Variants in STIM1 observed in about 807,000 individuals in gnomAD.
STIM1 encodes stromal interaction molecule 1.
STIM1 carries 25 observed loss-of-function variants against 74.7 expected under a neutral mutation model. The observed-to-expected ratio is 0.33, with a 90% CI of 0.24 to 0.47. The LOEUF (loss-of-function observed/expected upper bound fraction) is 0.47, where lower values mean the gene tolerates loss of function less well. Ranked by LOEUF, STIM1 falls within the 20% of genes least tolerant of loss-of-function variation. STIM1 has a pLI of 1.00. For synonymous variants in STIM1, 328 were observed against 348.8 expected (o/e 0.94, Z 0.66); for missense variants, 728 against 920.8 (o/e 0.79, Z 2.71).
At chr11:3,958,949 C>G (rs2959063) in intron 1 of STIM1, among the ~76,000 whole-genome samples, 1 of 119,744 alleles carries the variant, frequency 8.4e-6, no homozygotes, top group Non-Finnish European at 1.8e-5. Flanking sequence ...AAAACTCTGT[C>G]TAAAAAAAAA....
At chr11:3,968,069 A>T (rs1441852622) in intron 2 of STIM1, among the ~76,000 whole-genome samples, 1 of 152,198 alleles carries the variant, frequency 6.6e-6, no homozygotes, top group African/African-American at 2.4e-5. Context: ...TGAGGGATAG[A>T]AGATAAGACA....
chr11:3,922,580 C>T (rs1490331301), intron 1 of STIM1: 1 of 153,640 alleles, frequency 6.5e-6, no homozygotes, highest in Non-Finnish European at 1.5e-5. Context: ...CTCCTGGGAT[C>T]CCATCTGGAA....
intron 2 of STIM1, among the ~76,000 whole-genome samples, chr11:3,975,200 G>A (rs1590615629): frequency 6.6e-6 from 1 of 152,180 alleles, no homozygotes; most frequent in Non-Finnish European, 1.5e-5. Flanking sequence ...TTTGCCTTTG[G>A]TTTTCTCAGG....
intron 5 of STIM1, among the ~76,000 whole-genome samples, chr11:4,065,740 T>A (rs2094361353): frequency 6.6e-6 from 1 of 152,178 alleles, no homozygotes; most frequent in Admixed American, 6.5e-5. Context: ...GCTGAGGCAT[T>A]TAAAGCATTT....
In STIM1 at chr11:3,905,633, T is replaced by C. The variant is rs74863027; in HGVS notation, c.139+49224T>C. On this transcript the variant is annotated intron_variant, in intron 1 of 12. Coordinates refer to ENST00000526596, the MANE Select transcript of STIM1 (RefSeq NM_001382567.1). ...GCTGCATGCCAGGCATTTTTCTAGA[T>C]ACATTAGACACATCTCTGATGCTCA... Among the ~76,000 whole-genome samples, 1,265 of 152,296 alleles carry C rather than the reference T, an allele frequency of 8.3e-3. 17 individuals carry two copies. The highest frequency in any genetic ancestry group is 0.029 in the African/African-American group (1,196 of 41,538).
At position 4,083,353 on chromosome 11, in the gene STIM1, C is replaced by T; in HGVS notation, c.1329C>T (p.Asn443=). The T allele has an allele frequency of 6.2e-7, 1 of 1,614,252 alleles. No homozygotes were observed. The highest frequency in any genetic ancestry group is 8.5e-7 in the Non-Finnish European group (1 of 1,180,048). The change falls in exon 10 of 13, where the codon AAC becomes AAT. Residue 443 remains asparagine, a synonymous_variant. Transcript: ENST00000526596. ...TCCTCTGTGGCTTCCAGATTGTCAA[C>T]AACCCTGGCATCCACTCACTGGTGG... ...IEILCGFQIV[N]NPGIHSLVAA...
chr11:3,903,547 T>A (rs1239313703), intron 1 of STIM1: 1 of 152,198 alleles, frequency 6.6e-6, no homozygotes, highest in Non-Finnish European at 1.5e-5. Flanking sequence ...AATTTTAACC[T>A]TAAGGAAGCT....
chr11:3,872,647 G>A (rs1329156438), intron 1 of STIM1, among the ~76,000 whole-genome samples: 2 of 148,594 alleles, frequency 1.3e-5, no homozygotes, highest in Non-Finnish European at 3.0e-5. Context: ...TCAGCCTCCC[G>A]AGTAGCTGGG....
intron 1 of STIM1, among the ~76,000 whole-genome samples, chr11:3,916,429 A>AGT (rs2092644365): frequency 6.6e-6 from 1 of 150,726 alleles, no homozygotes; most frequent in Admixed American, 6.6e-5. Flanking sequence ...CTAGGACTAC[A>AGT]AGCATGTGCC....
chr11:3,941,696 A>AGTGT (rs61374697), intron 1 of STIM1, among the ~76,000 whole-genome samples: 42 of 141,788 alleles, frequency 3.0e-4, no homozygotes, highest in Middle Eastern at 3.6e-3. Flanking sequence ...AGAGAGAGAG[A>AGTGT]GTGTGTGTGT....
In STIM1 at chr11:4,091,345, C is replaced by T. The variant is rs2094523624; in HGVS notation, c.1698C>T (p.Pro566=). 6.2e-7 allele frequency: 1 copy of T among 1,614,092 alleles called. No individual in the cohort carries two copies. The highest frequency in any genetic ancestry group is 1.3e-5 in the African/African-American group (1 of 74,924). The change falls in exon 13 of 13, where the codon CCC becomes CCT. Residue 566 remains proline, a synonymous_variant. Transcript: ENST00000526596. ...LHMSDRQRVA[P]KPPQMSRAAD... is the part of the protein sequence containing the mutation. ...TGAGTGACCGCCAGCGTGTGGCCCC[C>T]AAACCTCCTCAGATGAGCCGTGCTG...
intron 1 of STIM1, among the ~76,000 whole-genome samples, chr11:3,924,225 G>T (rs1250307485): frequency 1.4e-5 from 2 of 144,194 alleles, no homozygotes; most frequent in African/African-American, 5.2e-5. Context: ...TTGAGATGGA[G>T]TCTCCCTCTG....
intron 2 of STIM1, among the ~76,000 whole-genome samples, chr11:4,013,240 A>C (rs1397924049): frequency 6.6e-6 from 1 of 152,166 alleles, no homozygotes; most frequent in African/African-American, 2.4e-5. Context: ...GGCCTCATAA[A>C]ATGAGTTAAG....
At chr11:4,010,896 G>T (rs980616819) in intron 2 of STIM1, among the ~76,000 whole-genome samples, 1 of 151,984 alleles carries the variant, frequency 6.6e-6, no homozygotes, top group Non-Finnish European at 1.5e-5. Context: ...AGGCCCTGGT[G>T]TATGATATTC....
At chr11:3,915,773 T>G (rs1212460586) in intron 1 of STIM1, among the ~76,000 whole-genome samples, 1 of 152,164 alleles carries the variant, frequency 6.6e-6, no homozygotes, top group Non-Finnish European at 1.5e-5. Flanking sequence ...CTAAAAAAGT[T>G]TGACCAGCAT....
Position 3,961,367 on chromosome 11 carries a change from A to G in STIM1, c.140-6185A>G, listed in dbSNP as rs574194762. 438 of 259,244 alleles carry G rather than the reference A, an allele frequency of 1.7e-3. 2 individuals carry two copies. The highest frequency in any genetic ancestry group is 2.9e-3 in the Non-Finnish European group (350 of 122,404). The allele number at this position is 259,244 out of a possible 1,614,324, so 16.1% of individuals were successfully genotyped here. A position where few individuals can be genotyped will look rare whatever the true frequency, so the allele number is the denominator to read the frequency against. On this transcript the variant is annotated intron_variant, in intron 1 of 12. Transcript: ENST00000526596. Reference sequence around the variant, plus strand: ...GATGAGGAAGGACTGAAACAACTCTATGGGCTTTAGAAACAAGCTATAACT... The same window carrying G: ...GATGAGGAAGGACTGAAACAACTCTGTGGGCTTTAGAAACAAGCTATAACT...
intron 1 of STIM1, among the ~76,000 whole-genome samples, chr11:3,948,013 C>T (rs941786297): frequency 6.6e-6 from 1 of 152,156 alleles, no homozygotes; most frequent in African/African-American, 2.4e-5. Context: ...AGCAAAAAGA[C>T]ACTCAAGTTC....
At chr11:3,909,167 T>C (rs1039105653) in intron 1 of STIM1, among the ~76,000 whole-genome samples, 3 of 152,104 alleles carry the variant, frequency 2.0e-5, no homozygotes, top group African/African-American at 2.4e-5. Context: ...CTCTTTGGTA[T>C]GGTGACTGGG....
intron 1 of STIM1, among the ~76,000 whole-genome samples, chr11:3,950,981 A>G (rs988420377): frequency 2.0e-5 from 3 of 152,154 alleles, no homozygotes; most frequent in African/African-American, 7.2e-5. Flanking sequence ...GATGAGTTTG[A>G]AAGAAACTAG....
Sources: gnomAD v4.1 joint callset for allele counts (sites outside exome capture counted in the v4.1 genomes callset) on GRCh38, gnomAD v4.1.1 for gene constraint, MANE v1.5 for transcripts, NCBI Gene and HGNC (gene_info 2026-07-23, HGNC 2026-07-21) for gene names.